Variants in SPSB1 observed in about 807,000 individuals in gnomAD.
The protein encoded by SPSB1 is splA/ryanodine receptor domain and SOCS box containing 1, also known as SPRY domain-containing SOCS box protein 1.
SPSB1 carries 8 observed loss-of-function variants against 21.2 expected under a neutral mutation model. The observed-to-expected ratio is 0.38, with a 90% CI of 0.22 to 0.68. The LOEUF (loss-of-function observed/expected upper bound fraction) is 0.68. Ranked by LOEUF, SPSB1 falls within the 30% of genes least tolerant of loss-of-function variation. The pLI, the probability that SPSB1 is intolerant of heterozygous loss-of-function variation, is 0.53. For synonymous variants in SPSB1, 169 were observed against 161.7 expected (o/e 1.05, Z -0.34); for missense variants, 242 against 377.8 (o/e 0.64, Z 2.98).
rs1158104331 is a variant in SPSB1, at chr1:9,305,543, C to A, written c.-150+12472C>A. Among the ~76,000 whole-genome samples, 2 of 152,232 alleles carry A rather than the reference C, an allele frequency of 1.3e-5. No homozygotes were observed. The highest frequency in any genetic ancestry group is 2.9e-5 in the Non-Finnish European group (2 of 67,994). On this transcript the variant is annotated intron_variant, in intron 1 of 2. Transcript: ENST00000328089. This position sits in a 1 kb window ranked among gnomAD's most constrained non-coding sequence, Gnocchi z 4.8. ...AGGTAAGACCGGTGGCGTAGTGGAT[C>A]CTAGCAGGGTCTGGGAGAGCTCGAT...
Position 9,344,234 on chromosome 1 carries a change from A to G in SPSB1, c.-149-11509A>G, listed in dbSNP as rs933767460. 4.6e-5 allele frequency among the ~76,000 whole-genome samples: 7 copies of G among 152,178 alleles called. No individual in the cohort carries two copies. In the South Asian group the frequency reaches 1.2e-3, roughly 27 times the overall value. Reference sequence around the variant, plus strand: ...CTCATCCTAGTTCCCTGGAGGGCTCATTAGAATGCAGGCTGCCCCGTGGAG... The same window carrying G: ...CTCATCCTAGTTCCCTGGAGGGCTCGTTAGAATGCAGGCTGCCCCGTGGAG... On this transcript the variant is annotated intron_variant, in intron 1 of 2. Coordinates refer to ENST00000328089, the MANE Select transcript of SPSB1 (RefSeq NM_025106.4).
rs1304799029 is a variant in SPSB1, at chr1:9,363,846, A to G, written c.695-3602A>G. ...CTCCCAAGTAGCTGGGACTACAGGCATGCACGACCACACCCAGCTAATTTT... is the reference window on the plus strand; with the variant it reads ...CTCCCAAGTAGCTGGGACTACAGGCGTGCACGACCACACCCAGCTAATTTT... On this transcript the variant is annotated intron_variant, in intron 2 of 2. Transcript: ENST00000328089. The surrounding 1 kb of genome is among the most constrained non-coding windows in gnomAD (Gnocchi z 4.5). Among the ~76,000 whole-genome samples, 1 of 152,154 alleles carries G rather than the reference A, an allele frequency of 6.6e-6. No individual in the cohort carries two copies. The highest frequency in any genetic ancestry group is 2.4e-5 in the African/African-American group (1 of 41,436).
At chr1:9,294,136 T>C (rs1639169039) in intron 1 of SPSB1, among the ~76,000 whole-genome samples, 2 of 150,170 alleles carry the variant, frequency 1.3e-5, no homozygotes, top group Non-Finnish European at 3.0e-5. Context: ...GTATGTGTCT[T>C]TGGGTGTGTG....
intron 1 of SPSB1, among the ~76,000 whole-genome samples, chr1:9,304,255 C>T (rs1411498679): frequency 6.6e-6 from 1 of 152,178 alleles, no homozygotes; most frequent in Non-Finnish European, 1.5e-5. Context: ...CCCCATTGGT[C>T]TCCCTGGTTC....
chr1:9,325,186 T>C (rs1377636682), intron 1 of SPSB1, among the ~76,000 whole-genome samples: 2 of 150,224 alleles, frequency 1.3e-5, no homozygotes, highest in African/African-American at 4.9e-5. Flanking sequence ...AGAAGACCTG[T>C]ACTCCGCCCT....
At chr1:9,347,516 G>T (rs34317170) in intron 1 of SPSB1, among the ~76,000 whole-genome samples, 62,964 of 152,116 alleles carry the variant, frequency 0.41, 13,790 homozygotes, top group Non-Finnish European at 0.49. Flanking sequence ...ACCTTTCTCT[G>T]TACCTACAAA....
intron 1 of SPSB1, among the ~76,000 whole-genome samples, chr1:9,316,764 G>C (rs952164126): frequency 7.2e-5 from 11 of 152,226 alleles, no homozygotes; most frequent in African/African-American, 2.7e-4. Context: ...GCGGCATTGG[G>C]TCTGGGTCTG....
chr1:9,309,943 G>A (rs1389921654), intron 1 of SPSB1, among the ~76,000 whole-genome samples: 2 of 152,168 alleles, frequency 1.3e-5, no homozygotes, highest in Admixed American at 1.3e-4. Context: ...CATTTTGTTT[G>A]GCTGTGCCTG....
chr1:9,302,652 A>G (rs1639353437), intron 1 of SPSB1, among the ~76,000 whole-genome samples: 2 of 152,174 alleles, frequency 1.3e-5, no homozygotes, highest in South Asian at 4.1e-4. Context: ...GGGAATGACC[A>G]CGTTCCCCAC....
chr1:9,349,544 G>A (rs1640217284), intron 1 of SPSB1, among the ~76,000 whole-genome samples: 1 of 152,272 alleles, frequency 6.6e-6, no homozygotes, highest in Admixed American at 6.5e-5. Flanking sequence ...GCTGATCTCT[G>A]ACACAAGGCG....
In SPSB1 at chr1:9,348,540, C is replaced by T. The variant is rs1223418206; in HGVS notation, c.-149-7203C>T. On this transcript the variant is annotated intron_variant, in intron 1 of 2. Transcript: ENST00000328089. This position sits in a 1 kb window ranked among gnomAD's most constrained non-coding sequence, Gnocchi z 4.8. ...GGGGATGCTTTTGACTCCTCCCCAT[C>T]CCCTGGGATCAGCATTCATTTCCAG... 2.0e-5 allele frequency among the ~76,000 whole-genome samples: 3 copies of T among 152,122 alleles called. No individual in the cohort carries two copies. The highest frequency in any genetic ancestry group is 2.9e-5 in the Non-Finnish European group (2 of 68,024).
At chr1:9,311,875 G>A (rs1428461934) in intron 1 of SPSB1, among the ~76,000 whole-genome samples, 4 of 152,288 alleles carry the variant, frequency 2.6e-5, no homozygotes, top group African/African-American at 4.8e-5. Context: ...TTCATCCTCT[G>A]CCAGATGAAA....
chr1:9,356,711 G>A lies in SPSB1; in HGVS notation c.694+126G>A. ...TGAAGACGATATTCCAGTGTATTCAGACCCTCAGAGGCAACTTTTGCATCG... is the reference window on the plus strand; with the variant it reads ...TGAAGACGATATTCCAGTGTATTCAAACCCTCAGAGGCAACTTTTGCATCG... On this transcript the variant is annotated intron_variant, in intron 2 of 2. Coordinates refer to ENST00000328089, the MANE Select transcript of SPSB1 (RefSeq NM_025106.4). The surrounding 1 kb of genome is among the most constrained non-coding windows in gnomAD (Gnocchi z 7.4). 7.1e-7 allele frequency: 1 copy of A among 1,415,154 alleles called. No homozygotes were observed. Among genetic ancestry groups the A allele is most frequent in the East Asian group, 2.5e-5 (1 of 40,570 alleles). The allele number at this position is 1,415,154 out of a possible 1,614,324, so 87.7% of individuals were successfully genotyped here. A position where few individuals can be genotyped will look rare whatever the true frequency, so the allele number is the denominator to read the frequency against.
At chr1:9,309,193 C>T (rs1314735708) in intron 1 of SPSB1, among the ~76,000 whole-genome samples, 1 of 148,600 alleles carries the variant, frequency 6.7e-6, no homozygotes, top group Admixed American at 6.8e-5. Context: ...ATGCCATTCA[C>T]CTCCAAAGTT....
At position 9,363,760 on chromosome 1, in the gene SPSB1, C is replaced by T. The variant is rs923723114; in HGVS notation, c.695-3688C>T. 1.3e-5 allele frequency among the ~76,000 whole-genome samples: 2 copies of T among 151,838 alleles called. No homozygotes were observed. Among genetic ancestry groups the T allele is most frequent in the Non-Finnish European group, 2.9e-5 (2 of 67,976 alleles). On this transcript the variant is annotated intron_variant, in intron 2 of 2. Coordinates refer to ENST00000328089, the MANE Select transcript of SPSB1 (RefSeq NM_025106.4). The surrounding 1 kb of genome is among the most constrained non-coding windows in gnomAD (Gnocchi z 4.5). ...TGTCACCCAGGCTGTAGTGCAGTGG[C>T]GCAATCTCAGCTCACTGCAAACCTC...
intron 1 of SPSB1, among the ~76,000 whole-genome samples, chr1:9,347,179 C>T (rs1237957859): frequency 6.6e-6 from 1 of 152,170 alleles, no homozygotes; most frequent in Non-Finnish European, 1.5e-5. Context: ...GCGTTTTAAA[C>T]GCCCTTCTAC....
chr1:9,363,924 C>G lies in SPSB1; in HGVS notation c.695-3524C>G, dbSNP rs891118114. Among the ~76,000 whole-genome samples the G allele has an allele frequency of 5.3e-5, 8 of 152,216 alleles. No homozygotes were observed. The highest frequency in any genetic ancestry group is 1.9e-4 in the African/African-American group (8 of 41,446). On this transcript the variant is annotated intron_variant, in intron 2 of 2. Transcript: ENST00000328089. This position sits in a 1 kb window ranked among gnomAD's most constrained non-coding sequence, Gnocchi z 4.5. ...CCACACTGGCCAGGCTGGTCTCAAA[C>G]TCCTGACCTCAGGTGATCACCCACC...
At chr1:9,328,188 G>A (rs937333265) in intron 1 of SPSB1, among the ~76,000 whole-genome samples, 6 of 152,248 alleles carry the variant, frequency 3.9e-5, no homozygotes, top group African/African-American at 1.4e-4. Flanking sequence ...GGAGGATTCA[G>A]TACAGGGGCT....
intron 1 of SPSB1, among the ~76,000 whole-genome samples, chr1:9,332,865 T>A (rs1639945194): frequency 6.6e-6 from 1 of 152,236 alleles, no homozygotes; most frequent in South Asian, 2.1e-4. Flanking sequence ...TGAGGTCAGC[T>A]TGCTGCTTCT....
Sources: gnomAD v4.1 joint callset for allele counts (sites outside exome capture counted in the v4.1 genomes callset) on GRCh38, gnomAD v4.1.1 for gene constraint, Gnocchi (gnomAD v3.1) non-coding constraint, MANE v1.5 for transcripts, NCBI Gene and HGNC (gene_info 2026-07-23, HGNC 2026-07-21) for gene names.